Variants in ACAN observed in about 807,000 individuals in gnomAD.
The protein encoded by ACAN is aggrecan core protein.
ACAN carries 47 observed loss-of-function variants against 169.1 expected under a neutral mutation model. That is an observed-to-expected ratio of 0.28 (90% CI 0.22 to 0.35). ACAN has a LOEUF of 0.35. Ranked by LOEUF, ACAN falls within the 10% of genes least tolerant of loss-of-function variation. The probability of loss-of-function intolerance (pLI) is 1.00; values close to 1 mark genes in which losing one functional copy is unlikely to be tolerated. For synonymous variants in ACAN, 1,115 were observed against 1,112.2 expected (o/e 1.00, Z -0.05); for missense variants, 2,716 against 2,759.9 (o/e 0.98, Z 0.36).
rs1388853852 is a variant in ACAN, at chr15:88,868,296, C to T, written c.7027C>T (p.Leu2343Phe). The T allele has an allele frequency of 1.4e-6, 1 of 702,696 alleles. No individual in the cohort carries two copies. The highest frequency in any genetic ancestry group is 2.0e-5 in the Admixed American group (1 of 49,990). 43.5% of individuals were successfully genotyped at this position (702,696 alleles called of 1,614,324 possible). A position where few individuals can be genotyped will look rare whatever the true frequency, so the allele number is the denominator to read the frequency against. ...CATCGACTCTTTCACATGCTTATGC[C>T]TTCCCAGCTACGAAGGGGACCTGTG... ...DAIDSFTCLC[L>F]PSYEGDLCEI... Residue 2343 changes from leucine to phenylalanine, a missense_variant, in exon 14 of 19, where the codon CTT becomes TTT. Leu to Phe is a conservative substitution (Grantham distance 22). Around this residue, in one of 3 missense-constraint regions of ACAN, gnomAD observed 1,389 missense variants for 1,363.7 expected, o/e 1.02. Coordinates refer to ENST00000560601, the MANE Select transcript of ACAN (RefSeq NM_001369268.1). This position sits in a 1 kb window ranked among gnomAD's most constrained non-coding sequence, Gnocchi z 5.2.
At position 88,839,094 on chromosome 15, in the gene ACAN, C is replaced by T; in HGVS notation, c.454+48C>T. 1.3e-6 allele frequency: 2 copies of T among 1,586,412 alleles called. No individual in the cohort carries two copies. The highest frequency in any genetic ancestry group is 1.7e-6 in the Non-Finnish European group (2 of 1,173,062). The stretch of plus-strand genomic sequence containing the variant: ...GACGCTGCTTCACCCACATAAAGAA[C>T]CAGAGCAGTCTCCGCAGTGCAGGCG... On this transcript the variant is annotated intron_variant, in intron 3 of 18. Transcript: ENST00000560601. The surrounding 1 kb of genome is among the most constrained non-coding windows in gnomAD (Gnocchi z 4.5).
Position 88,873,992 on chromosome 15 carries a change from A to G in ACAN, c.7598A>G (p.His2533Arg), listed in dbSNP as rs201983356. 1.0e-4 allele frequency: 165 copies of G among 1,612,576 alleles called. 1 individual carries two copies. The African/African-American group carries it at 1.9e-3, about 18-fold the overall frequency. ...MPTIRCQPSG[H>R]WEEPQITCTD... is the part of the protein sequence containing the mutation. ...ACCATCCGGTGCCAGCCCAGCGGGC[A>G]CTGGGAGGAGCCTCAGATCACCTGC... Residue 2533 changes from histidine to arginine, a missense_variant, in exon 18 of 19, where the codon CAC (histidine) becomes CGC (arginine). Transcript: ENST00000560601. This position sits in a 1 kb window ranked among gnomAD's most constrained non-coding sequence, Gnocchi z 7.5.
rs771060178 is a variant in ACAN, at chr15:88,841,875, G to T, written c.757+8G>T. The T allele has an allele frequency of 3.7e-6, 6 of 1,612,062 alleles. No homozygotes were observed. Among genetic ancestry groups the T allele is most frequent in the Middle Eastern group, 1.7e-4 (1 of 6,060 alleles). ...TCGCCGAGGAGATGGAGGGTGAGCT[G>T]CCCTGCCCACCAGGAGGCACCCAGC... On this transcript the variant is annotated splice_region_variant and intron_variant, in intron 5 of 18. Coordinates refer to ENST00000560601, the MANE Select transcript of ACAN (RefSeq NM_001369268.1).
At chr15:88,852,578 C>A (rs1896955662) in intron 11 of ACAN, among the ~76,000 whole-genome samples, 1 of 152,172 alleles carries the variant, frequency 6.6e-6, no homozygotes, top group South Asian at 2.1e-4. Flanking sequence ...AGCAGCAGTC[C>A]CTAAACCTTG....
Position 88,858,648 on chromosome 15 carries a change from C to T in ACAN, c.6063C>T (p.Ala2021=). Residue 2021 remains alanine, a synonymous_variant, in exon 12 of 19, where the codon GCC becomes GCT. Coordinates refer to ENST00000560601, the MANE Select transcript of ACAN (RefSeq NM_001369268.1). The surrounding 1 kb of genome is among the most constrained non-coding windows in gnomAD (Gnocchi z 4.0). Reference sequence around the variant, plus strand: ...ATGTAAGTGGAGAATCCTCTGTAGCCATGGGCACCAGTGGAGAGGCCTCAG... The same window carrying T: ...ATGTAAGTGGAGAATCCTCTGTAGCTATGGGCACCAGTGGAGAGGCCTCAG... ...TTNVSGESSV[A]MGTSGEASGL... is the part of the protein sequence containing the mutation. The T allele has an allele frequency of 1.2e-6, 2 of 1,613,966 alleles. No homozygotes were observed. The highest frequency in any genetic ancestry group is 1.3e-5 in the African/African-American group (1 of 75,044).
Position 88,845,687 on chromosome 15 carries a change from C to T in ACAN, c.1234C>T (p.Leu412=). The T allele has an allele frequency of 1.9e-6, 3 of 1,614,068 alleles. No homozygotes were observed. The highest frequency in any genetic ancestry group is 2.5e-6 in the Non-Finnish European group (3 of 1,179,902). Residue 412 remains leucine (L), a synonymous_variant, in exon 7 of 19, where the codon CTG becomes TTG. Transcript: ENST00000560601. ...CATCTTCGAGGTCTCCCCCAGTCCC[C>T]TGGAACCCGAGGAGCCCTTCACGTT... is the stretch of plus-strand genomic sequence containing the variant. ...KPIFEVSPSP[L]EPEEPFTFAP...
chr15:88,816,743 T>C (rs1034125984), intron 1 of ACAN, among the ~76,000 whole-genome samples: 1 of 152,194 alleles, frequency 6.6e-6, no homozygotes, highest in African/African-American at 2.4e-5. Flanking sequence ...AGAGGCCTGT[T>C]ACCCAGAATG....
intron 1 of ACAN, among the ~76,000 whole-genome samples, chr15:88,816,153 C>T (rs918183240): frequency 1.3e-5 from 2 of 152,216 alleles, no homozygotes; most frequent in African/African-American, 4.8e-5. Context: ...GACTAAGGGG[C>T]CATCCTAACA....
Position 88,857,074 on chromosome 15 carries a change from G to A in ACAN, c.4489G>A (p.Glu1497Lys). 6.2e-7 allele frequency: 1 copy of A among 1,607,048 alleles called. No homozygotes were observed. The highest frequency in any genetic ancestry group is 8.5e-7 in the Non-Finnish European group (1 of 1,175,534). Residue 1497 changes from glutamate to lysine, a missense_variant, in exon 12 of 19, where the codon GAG becomes AAG. Transcript: ENST00000560601. ...ISGLPSGEVV[E>K]TSASGIEDVS... ...TGGGCTTCCTTCTGGAGAGGTTGTA[G>A]AGACTTCTGCCTCTGGAATAGAGGA...
In ACAN at chr15:88,838,199, C is replaced by G. The variant is rs1045541348; in HGVS notation, c.71-464C>G. ...CAAAAGCAGACCTCCCCAAATGGGA[C>G]ACATCTTAGAAGTTTTCTGTCTCAG... On this transcript the variant is annotated intron_variant, in intron 2 of 18. Coordinates refer to ENST00000560601, the MANE Select transcript of ACAN (RefSeq NM_001369268.1). The surrounding 1 kb of genome is among the most constrained non-coding windows in gnomAD (Gnocchi z 5.1). Among the ~76,000 whole-genome samples the G allele has an allele frequency of 6.6e-6, 1 of 152,140 alleles. No homozygotes were observed.
Position 88,860,336 on chromosome 15 carries a change from G to C in ACAN, c.6843G>C (p.Arg2281Ser). The C allele has an allele frequency of 6.2e-7, 1 of 1,611,796 alleles. No homozygotes were observed. The highest frequency in any genetic ancestry group is 8.5e-7 in the Non-Finnish European group (1 of 1,179,284). Reference sequence around the variant, plus strand: ...CCCTGGGGGTTGCAGCCCCCGCCAGGTCCTGTGCAGAGGAGCCCTGTGGAG... The same window carrying C: ...CCCTGGGGGTTGCAGCCCCCGCCAGCTCCTGTGCAGAGGAGCCCTGTGGAG... ...ESESTAAAPA[R>S]SCAEEPCGAG... is the part of the protein sequence containing the mutation. The change falls in exon 13 of 19, where the codon AGG becomes AGC. Residue 2281 changes from arginine (R) to serine (S), a missense_variant. Transcript: ENST00000560601.
At chr15:88,860,511 C>G in intron 13 of ACAN, 72 bp downstream of exon 13, 1 of 1,401,398 alleles carries the variant, frequency 7.1e-7, no homozygotes. Context: ...CCAAAGGGTC[C>G]CCAGGTGGGA....
intron 5 of ACAN, among the ~76,000 whole-genome samples, chr15:88,842,244 G>A (rs1183689651): frequency 1.3e-5 from 2 of 152,086 alleles, no homozygotes; most frequent in East Asian, 3.9e-4. Context: ...ACCCTCGCAA[G>A]CGACACTACA....
Position 88,843,290 on chromosome 15 carries a change from T to C in ACAN, c.758-65T>C, listed in dbSNP as rs532457814. On this transcript the variant is annotated intron_variant, in intron 5 of 18. Coordinates refer to ENST00000560601, the MANE Select transcript of ACAN (RefSeq NM_001369268.1). This position sits in a 1 kb window ranked among gnomAD's most constrained non-coding sequence, Gnocchi z 4.0. The stretch of plus-strand genomic sequence containing the variant: ...GACCTCGTGGAAAAGTGTGGATCTC[T>C]CTGGGGATGCAGAGCAGGGGGAGGG... 2.3e-5 allele frequency: 32 copies of C among 1,392,532 alleles called. No individual in the cohort carries two copies. The South Asian group carries it at 4.0e-4, about 18-fold the overall frequency. 86.3% of individuals were successfully genotyped at this position (1,392,532 alleles called of 1,614,324 possible). A position where few individuals can be genotyped will look rare whatever the true frequency, so the allele number is the denominator to read the frequency against.
At chr15:88,831,371 A>C (rs878936058) in intron 1 of ACAN, among the ~76,000 whole-genome samples, 3 of 152,240 alleles carry the variant, frequency 2.0e-5, no homozygotes, top group Non-Finnish European at 2.9e-5. Flanking sequence ...CCTGAGACTT[A>C]CTGAATGTGA....
chr15:88,872,741 T>C lies in ACAN; in HGVS notation c.7303-140T>C. 9.2e-7 allele frequency: 1 copy of C among 1,089,672 alleles called. No homozygotes were observed. The highest frequency in any genetic ancestry group is 1.3e-6 in the Non-Finnish European group (1 of 770,200). The allele number at this position is 1,089,672 out of a possible 1,614,324, so 67.5% of individuals were successfully genotyped here. A position where few individuals can be genotyped will look rare whatever the true frequency, so the allele number is the denominator to read the frequency against. ...CCCTGATCAGATTCCCAGCAGTTTT[T>C]GTGCTGCTATCAGATGAGCCTGAAG... On this transcript the variant is annotated intron_variant, in intron 16 of 18. Coordinates refer to ENST00000560601, the MANE Select transcript of ACAN (RefSeq NM_001369268.1). The surrounding 1 kb of genome is among the most constrained non-coding windows in gnomAD (Gnocchi z 5.4).
At chr15:88,826,696 G>A (rs1896231787) in intron 1 of ACAN, among the ~76,000 whole-genome samples, 1 of 152,136 alleles carries the variant, frequency 6.6e-6, no homozygotes, top group East Asian at 1.9e-4. Context: ...CCTCTCTCGT[G>A]AACTAATTAG....
chr15:88,847,904 T>C lies in ACAN; in HGVS notation c.1605-7T>C. 1 of 1,613,442 alleles carries C rather than the reference T, an allele frequency of 6.2e-7. No homozygotes were observed. Reference sequence around the variant, plus strand: ...CCTTCATCTTCTCCTCCCACTCTCCTTTGCAGATACCCCATTGTGAGCCCC... The same window carrying C: ...CCTTCATCTTCTCCTCCCACTCTCCCTTGCAGATACCCCATTGTGAGCCCC... On this transcript the variant is annotated splice_polypyrimidine_tract_variant and splice_region_variant and intron_variant, in intron 8 of 18. Transcript: ENST00000560601.
At chr15:88,813,264 A>G (rs1364856725) in intron 1 of ACAN, among the ~76,000 whole-genome samples, 2 of 152,362 alleles carry the variant, frequency 1.3e-5, no homozygotes, top group African/African-American at 2.4e-5. Context: ...CATGGGGGCT[A>G]GAGAGGTGGG....
Sources: gnomAD v4.1 joint callset for allele counts (sites outside exome capture counted in the v4.1 genomes callset) on GRCh38, gnomAD v4.1.1 for gene constraint, gnomAD v4.1.1 regional missense constraint, Gnocchi (gnomAD v3.1) non-coding constraint, MANE v1.5 for transcripts, NCBI Gene and HGNC (gene_info 2026-07-23, HGNC 2026-07-21) for gene names.